The following RASSF3 variants were observed in gnomAD, a reference collection of about 807,000 sequenced individuals.
RASSF3 encodes ras association domain-containing protein 3.
Under a neutral mutation model 19.9 loss-of-function variants are expected in RASSF3, and 19 were observed. That is an observed-to-expected ratio of 0.96 (90% CI 0.67 to 1.40). The LOEUF is 1.40. Among genes scored for constraint, RASSF3 ranks in the 40% most tolerant of loss-of-function variants. The probability of loss-of-function intolerance (pLI) is 0.00; values close to 1 mark genes in which losing one functional copy is unlikely to be tolerated. For missense variants in RASSF3, 306 were observed against 289.8 expected, an observed-to-expected ratio of 1.06 and a Z score of -0.41; for synonymous variants, 110 against 104.2, an observed-to-expected ratio of 1.06 and a Z score of -0.34.
chr12:64,527,769 T>C (rs1442356627), intron 1 of RASSF3, among the ~76,000 whole-genome samples: 1 of 150,520 alleles, frequency 6.6e-6, no homozygotes, highest in East Asian at 2.0e-4. Context: ...ATCCCATCTA[T>C]GCTAAAAATA....
intron 2 of RASSF3, among the ~76,000 whole-genome samples, chr12:64,603,098 C>CAAAAAAAAAG (rs1870124669): frequency 7.0e-6 from 1 of 142,122 alleles, no homozygotes; most frequent in Admixed American, 7.0e-5. Flanking sequence ...AACTCTGTCT[C>CAAAAAAAAAG]AAAAAAAAAG....
intron 2 of RASSF3, among the ~76,000 whole-genome samples, chr12:64,576,190 G>T (rs528490048): frequency 1.3e-5 from 2 of 152,120 alleles, no homozygotes; most frequent in Admixed American, 6.6e-5. Flanking sequence ...TGTGATTTTG[G>T]CTCAAAAATA....
chr12:64,636,197 AC>A lies in RASSF3; in HGVS notation c.111+25459del, dbSNP rs1205687108. On this transcript the variant is annotated intron_variant, in intron 1 of 4. Coordinates refer to ENST00000542104, the MANE Select transcript of RASSF3 (RefSeq NM_178169.4). ...AGTGGTGCGATCTCTGCTTACTTCA[AC>A]CCCCGCTTGCCAGGTTCAAGCAATC... Among the ~76,000 whole-genome samples, 7 of 150,764 alleles carry A rather than the reference AC, an allele frequency of 4.6e-5. No homozygotes were observed. In the South Asian group the frequency reaches 1.3e-3, roughly 27 times the overall value.
At chr12:64,661,636 C>A (rs1485933759) in intron 1 of RASSF3, among the ~76,000 whole-genome samples, 4 of 151,484 alleles carry the variant, frequency 2.6e-5, no homozygotes, top group Non-Finnish European at 5.9e-5. Context: ...TTAAGTGCAG[C>A]CTGGGTAACA....
In RASSF3 at chr12:64,590,487, A is replaced by G. The variant is rs367650258; in HGVS notation, c.294+48782A>G. ...TTATTGTAGTGTTGACAAGGGAGAGAGATGAACACATATACACACAACACA... is the reference window on the plus strand; with the variant it reads ...TTATTGTAGTGTTGACAAGGGAGAGGGATGAACACATATACACACAACACA... On this transcript the variant is annotated intron_variant, in intron 2 of 5. Transcript: ENST00000637125. 4.6e-5 allele frequency among the ~76,000 whole-genome samples: 7 copies of G among 152,288 alleles called. No homozygotes were observed. In the South Asian group the frequency reaches 1.0e-3, roughly 23 times the overall value.
chr12:64,670,767 T>C (rs761232116), intron 1 of RASSF3, among the ~76,000 whole-genome samples: 6 of 152,212 alleles, frequency 3.9e-5, no homozygotes, highest in Non-Finnish European at 8.8e-5. Flanking sequence ...AAAATCCATA[T>C]TGACCTTCTG....
chr12:64,610,670 A>G lies in RASSF3; in HGVS notation c.38A>G (p.Glu13Gly). The change falls in exon 1 of 5, where the codon GAG (glutamate) becomes GGG (glycine). Residue 13 changes from glutamate to glycine, a missense_variant. Coordinates refer to ENST00000542104, the MANE Select transcript of RASSF3 (RefSeq NM_178169.4). ...TACAGCAGCCTGGAGGAGGACGCCG[A>G]GGACTTCTTCTTCACCGCCAGGACC... is the stretch of plus-strand genomic sequence containing the variant. ...SGYSSLEEDA[E>G]DFFFTARTSF... is the part of the protein sequence containing the mutation. The G allele has an allele frequency of 1.9e-6, 3 of 1,592,536 alleles. No homozygotes were observed. The highest frequency in any genetic ancestry group is 2.6e-6 in the Non-Finnish European group (3 of 1,171,626).
intron 1 of RASSF3, among the ~76,000 whole-genome samples, chr12:64,675,611 C>T (rs185973819): frequency 6.6e-6 from 1 of 152,142 alleles, no homozygotes; most frequent in Non-Finnish European, 1.5e-5. Context: ...AAAGCATGGC[C>T]CCCCGCTGTT....
intron 2 of RASSF3, among the ~76,000 whole-genome samples, chr12:64,584,886 T>TTTC (rs1369062829): frequency 6.9e-6 from 1 of 144,578 alleles, no homozygotes; most frequent in African/African-American, 2.6e-5. Context: ...ATTCTTTTTT[T>TTTC]TTTTTTTTTT....
chr12:64,663,661 A>G (rs185831439), intron 1 of RASSF3, among the ~76,000 whole-genome samples: 45 of 151,926 alleles, frequency 3.0e-4, no homozygotes, highest in African/African-American at 1.1e-3. Flanking sequence ...ACATGCCACC[A>G]TGCCCGGCTA....
At chr12:64,622,258 C>T (rs1330193385) in intron 1 of RASSF3, among the ~76,000 whole-genome samples, 1 of 145,242 alleles carries the variant, frequency 6.9e-6, no homozygotes, top group Non-Finnish European at 1.5e-5. Flanking sequence ...GTCAGGGTTT[C>T]ACCATGTTGG....
At chr12:64,650,848 G>A (rs1871927844) in intron 1 of RASSF3, among the ~76,000 whole-genome samples, 2 of 152,174 alleles carry the variant, frequency 1.3e-5, no homozygotes, top group Non-Finnish European at 2.9e-5. Flanking sequence ...TGCCTAAGCT[G>A]TATCATCCTC....
intron 1 of RASSF3, among the ~76,000 whole-genome samples, chr12:64,637,593 C>A (rs1871367408): frequency 6.6e-6 from 1 of 151,438 alleles, no homozygotes; most frequent in East Asian, 1.9e-4. Flanking sequence ...CCATGCCTGG[C>A]TAGTTTTTAT....
downstream of RASSF3, among the ~76,000 whole-genome samples, chr12:64,542,060 CT>C (rs138166775): frequency 6.3e-3 from 948 of 151,372 alleles, 33 homozygotes; most frequent in East Asian, 0.11. Flanking sequence ...TGTGTGTTGA[CT>C]TTTTTTTTAA....
chr12:64,552,213 A>ATTCT (rs1869176538), intron 2 of RASSF3, among the ~76,000 whole-genome samples: 1 of 152,100 alleles, frequency 6.6e-6, no homozygotes. Flanking sequence ...GAAAGAGAGA[A>ATTCT]AGGAAAGGGT....
intron 1 of RASSF3, among the ~76,000 whole-genome samples, chr12:64,657,896 G>A (rs768183985): frequency 7.9e-5 from 12 of 152,116 alleles, no homozygotes; most frequent in Non-Finnish European, 1.8e-4. Context: ...CAGCCTGGGC[G>A]AGACCTCATC....
At chr12:64,592,025 C>G (rs1453536566) in intron 2 of RASSF3, among the ~76,000 whole-genome samples, 2 of 152,012 alleles carry the variant, frequency 1.3e-5, no homozygotes, top group Non-Finnish European at 2.9e-5. Context: ...CCTCAGCCTC[C>G]TGAGTAGCTG....
chr12:64,667,243 AAAGT>A (rs1203513634), intron 1 of RASSF3, among the ~76,000 whole-genome samples: 1 of 152,124 alleles, frequency 6.6e-6, no homozygotes, highest in Non-Finnish European at 1.5e-5. Context: ...TTATTTTGTG[AAAGT>A]AAGTGTACCT....
chr12:64,598,310 T>C (rs1033487566), intron 2 of RASSF3, among the ~76,000 whole-genome samples: 1 of 152,234 alleles, frequency 6.6e-6, no homozygotes, highest in Non-Finnish European at 1.5e-5. Flanking sequence ...CAGTCTGTTA[T>C]CATTACATAA....
Sources: gnomAD v4.1 joint callset for allele counts (sites outside exome capture counted in the v4.1 genomes callset) on GRCh38, gnomAD v4.1.1 for gene constraint, MANE v1.5 for transcripts, NCBI Gene and HGNC (gene_info 2026-07-23, HGNC 2026-07-21) for gene names.